DRC9: variants seen among roughly 807,000 people sequenced by gnomAD.
DRC9 encodes dynein regulatory complex subunit 9, also known as dynein regulatory complex protein 9.
the DRC9 span, among the ~76,000 whole-genome samples, chr3:197,928,371 CAG>C: frequency 7.3e-6 from 1 of 137,568 alleles, no homozygotes; most frequent in Admixed American, 7.8e-5. Flanking sequence ...TTTTTTGAGG[CAG>C]AGTCTTGTTG....
the DRC9 span, chr3:197,949,930 T>C: frequency 4.8e-6 from 2 of 414,674 alleles, no homozygotes; most frequent in Non-Finnish European, 8.3e-6. Flanking sequence ...TAAACTAAGT[T>C]GTTTCTATGG....
chr3:197,896,718 G>C, the DRC9 span, among the ~76,000 whole-genome samples: 1 of 152,240 alleles, frequency 6.6e-6, no homozygotes, highest in African/African-American at 2.4e-5. Flanking sequence ...AACTTCACTT[G>C]GCGGAATGGG....
At chr3:197,898,268 A>C in the DRC9 span, among the ~76,000 whole-genome samples, 7 of 152,256 alleles carry the variant, frequency 4.6e-5, no homozygotes, top group African/African-American at 1.7e-4. Context: ...ACAAATTATA[A>C]ACTAAAAATC....
the DRC9 span, among the ~76,000 whole-genome samples, chr3:197,928,185 A>G: frequency 6.6e-6 from 1 of 152,168 alleles, no homozygotes; most frequent in African/African-American, 2.4e-5. Context: ...AAATTTTATT[A>G]TATTTCCTTC....
the DRC9 span, among the ~76,000 whole-genome samples, chr3:197,929,932 A>AAAAAC: frequency 1.4e-4 from 21 of 152,114 alleles, no homozygotes; most frequent in East Asian, 1.9e-3. This position sits in a 1 kb window ranked among gnomAD's most constrained non-coding sequence, Gnocchi z 4.6. Context: ...ACTCTGTCTC[A>AAAAAC]AAAACAAAAC....
chr3:197,940,729 A>G, the DRC9 span, among the ~76,000 whole-genome samples: 1 of 152,278 alleles, frequency 6.6e-6, no homozygotes, highest in African/African-American at 2.4e-5. Flanking sequence ...CATGAAATAC[A>G]AACCAAAAAA....
the DRC9 span, chr3:197,950,653 T>G: frequency 2.0e-6 from 1 of 496,708 alleles, no homozygotes; most frequent in Non-Finnish European, 3.6e-6. Flanking sequence ...TGCCTACTGA[T>G]AACGGCATGC....
the DRC9 span, among the ~76,000 whole-genome samples, chr3:197,942,446 T>A: frequency 1.4e-5 from 2 of 141,506 alleles, no homozygotes; most frequent in Admixed American, 1.4e-4. Context: ...ACAATAATAA[T>A]TTAGAAAATT....
the DRC9 span, chr3:197,953,567 A>T: frequency 2.2e-6 from 1 of 457,482 alleles, no homozygotes; most frequent in Non-Finnish European, 4.4e-6. Context: ...TGCGCTAGTC[A>T]TCCCGTGATC....
chr3:197,916,447 AATT>A, the DRC9 span: 1 of 151,714 alleles, frequency 6.6e-6, no homozygotes, highest in South Asian at 2.1e-4. Context: ...ACACTCAGCT[AATT>A]ATTATTATTA....
chr3:197,912,387 AT>A, the DRC9 span: 1 of 256,534 alleles, frequency 3.9e-6, no homozygotes, highest in Non-Finnish European at 7.2e-6. Flanking sequence ...TAAGTCATAA[AT>A]TAAGTCATAA....
At chr3:197,941,709 C>T in the DRC9 span, among the ~76,000 whole-genome samples, 64 of 150,956 alleles carry the variant, frequency 4.2e-4, no homozygotes, top group African/African-American at 1.5e-3. Flanking sequence ...TACAGGCGTA[C>T]GCCACAATTC....
chr3:197,943,023 A>C, the DRC9 span, among the ~76,000 whole-genome samples: 8 of 152,236 alleles, frequency 5.3e-5, no homozygotes, highest in South Asian at 8.3e-4. Context: ...TGAAATGTAC[A>C]AGAGCTTAAA....
chr3:197,907,776 G>GTGA, the DRC9 span, among the ~76,000 whole-genome samples: 5 of 151,478 alleles, frequency 3.3e-5, no homozygotes, highest in East Asian at 5.9e-4. Flanking sequence ...GGTCTGAAGA[G>GTGA]CAACCCTTTC....
the DRC9 span, among the ~76,000 whole-genome samples, chr3:197,932,894 ATG>A: frequency 3.1e-5 from 3 of 95,338 alleles, no homozygotes; most frequent in African/African-American, 5.9e-5. Flanking sequence ...TGTATAATAT[ATG>A]TATTATATAT....
the DRC9 span, among the ~76,000 whole-genome samples, chr3:197,905,829 T>C: frequency 6.6e-6 from 1 of 152,128 alleles, no homozygotes; most frequent in Non-Finnish European, 1.5e-5. Context: ...TCTATTAATG[T>C]ATTTCCCTTT....
the DRC9 span, chr3:197,954,498 TA>T: frequency 2.9e-6 from 1 of 347,220 alleles, no homozygotes; most frequent in Non-Finnish European, 5.5e-6. Flanking sequence ...CACACCCAGC[TA>T]ATTTTTGGGG....
chr3:197,937,048 A>G, the DRC9 span, among the ~76,000 whole-genome samples: 8 of 152,342 alleles, frequency 5.3e-5, no homozygotes, highest in African/African-American at 1.9e-4. Context: ...TCAACTCTGC[A>G]TTGTGGCATG....
chr3:197,893,396 A>AATCT, the DRC9 span, among the ~76,000 whole-genome samples: 1 of 148,952 alleles, frequency 6.7e-6, no homozygotes, highest in African/African-American at 2.5e-5. Context: ...GGAGGAGGGT[A>AATCT]ATCTAGATGT....
Sources: allele counts gnomAD v4.1 joint callset (sites outside exome capture counted in the v4.1 genomes callset), GRCh38; gene constraint gnomAD v4.1.1; non-coding constraint Gnocchi (gnomAD v3.1); transcripts MANE v1.5; gene names NCBI Gene and HGNC (gene_info 2026-07-23, HGNC 2026-07-21).